ARRDC3: variants seen among roughly 807,000 people sequenced by gnomAD.
ARRDC3 encodes arrestin domain containing 3.
ARRDC3 carries 10 observed loss-of-function variants against 47.2 expected under a neutral mutation model. That is an observed-to-expected ratio of 0.21 (90% CI 0.13 to 0.36). The LOEUF is 0.36. Ranked by LOEUF, ARRDC3 falls within the 10% of genes least tolerant of loss-of-function variation. The pLI, the probability that ARRDC3 is intolerant of heterozygous loss-of-function variation, is 1.00. For missense variants in ARRDC3, 381 were observed against 503.6 expected (o/e 0.76, Z 2.33); for synonymous variants, 156 against 178.3 (o/e 0.87, Z 1.00).
At chr5:91,379,747 T>C (rs1237282179) in intron 1 of ARRDC3, 1 of 152,130 alleles carries the variant, frequency 6.6e-6, no homozygotes, top group Non-Finnish European at 1.5e-5. Context: ...ACCTTTACGA[T>C]TAGCCCCCAG....
intron 2 of ARRDC3, among the ~76,000 whole-genome samples, 192 bp downstream of exon 2, chr5:91,378,502 C>T (rs527730249): frequency 9.2e-5 from 14 of 152,010 alleles, no homozygotes; most frequent in Middle Eastern, 3.4e-3. Flanking sequence ...ATTGAGTATG[C>T]TTTCTATAAT....
chr5:91,376,144 T>C (rs1307350262), intron 3 of ARRDC3, among the ~76,000 whole-genome samples: 1 of 152,202 alleles, frequency 6.6e-6, no homozygotes, highest in African/African-American at 2.4e-5. Flanking sequence ...ACAAATGCAA[T>C]TAAAAATAGA....
rs1247236657 is a variant in ARRDC3 at position 91,375,196 on chromosome 5, T to G, written c.614-18A>C. 6.2e-7 allele frequency: 1 copy of G among 1,605,614 alleles called. No homozygotes were observed. The highest frequency in any genetic ancestry group is 1.7e-5 in the Admixed American group (1 of 59,602). On this transcript the variant is annotated intron_variant, in intron 4 of 7. Transcript: ENST00000265138. The stretch of plus-strand genomic sequence containing the variant: ...TGATTCACCTAGAGAGGGAAAAATA[T>G]ATACATATCTACTGTTAGAAAAAAA...
chr5:91,376,101 TAA>T (rs1799292971), intron 3 of ARRDC3, among the ~76,000 whole-genome samples: 1 of 152,188 alleles, frequency 6.6e-6, no homozygotes, highest in Non-Finnish European at 1.5e-5. Context: ...TTAAATCAAA[TAA>T]AGTTTTAAGT....
intron 1 of ARRDC3, chr5:91,380,997 C>T (rs1799444292): frequency 6.6e-6 from 1 of 152,270 alleles, no homozygotes; most frequent in South Asian, 2.1e-4. Flanking sequence ...AGCCTCGCCC[C>T]AGCCGCGGCG....
intron 1 of ARRDC3, chr5:91,380,279 C>T (rs1799419000): frequency 6.5e-6 from 1 of 152,922 alleles, no homozygotes; most frequent in Non-Finnish European, 1.5e-5. Context: ...TCGCGCGGCG[C>T]TCGCGCCCGT....
In ARRDC3 at chr5:91,373,703, G is replaced by C; in HGVS notation, c.1169C>G (p.Pro390Arg). ...FAYIQEFRFL[P>R]PPLYSEIDPN... ...ACTTACCTCTGAATAAAGAGGTGGA[G>C]GCAAGAATCGAAACTCCTGGATATA... The change falls in exon 7 of 8, where the codon CCT (proline) becomes CGT (arginine). Residue 390 changes from proline (P) to arginine (R), a missense_variant. Coordinates refer to ENST00000265138, the MANE Select transcript of ARRDC3 (RefSeq NM_020801.4). 1.2e-6 allele frequency: 2 copies of C among 1,613,830 alleles called. No homozygotes were observed. The highest frequency in any genetic ancestry group is 1.7e-6 in the Non-Finnish European group (2 of 1,179,806).
chr5:91,375,188 G>A lies in ARRDC3; in HGVS notation c.614-10C>T. 1.9e-6 allele frequency: 3 copies of A among 1,608,578 alleles called. No homozygotes were observed. The highest frequency in any genetic ancestry group is 2.5e-6 in the Non-Finnish European group (3 of 1,178,202). ...ATCTGAATTGATTCACCTAGAGAGG[G>A]AAAAATATATACATATCTACTGTTA... On this transcript the variant is annotated splice_polypyrimidine_tract_variant and intron_variant, in intron 4 of 7. Coordinates refer to ENST00000265138, the MANE Select transcript of ARRDC3 (RefSeq NM_020801.4).
chr5:91,374,392 C>T (rs899787323), intron 5 of ARRDC3, 116 bp from the exon 6 acceptor site: 9 of 885,950 alleles, frequency 1.0e-5, no homozygotes, highest in Admixed American at 8.5e-5. Flanking sequence ...TTTAAACTTA[C>T]ATACATGAAA....
chr5:91,375,688 A>G, intron 3 of ARRDC3, 75 bp from the exon 4 acceptor site: 1 of 987,702 alleles, frequency 1.0e-6, no homozygotes, highest in South Asian at 2.3e-5. Context: ...TTTAAAATAT[A>G]ACCCTAAATT....
chr5:91,376,185 C>CATT (rs1799298672), intron 3 of ARRDC3, among the ~76,000 whole-genome samples: 1 of 152,040 alleles, frequency 6.6e-6, no homozygotes, highest in Non-Finnish European at 1.5e-5. Context: ...TTTAATGAAA[C>CATT]TAATGATTCC....
At position 91,373,669 on chromosome 5, in the gene ARRDC3, G is replaced by C; in HGVS notation, c.1188+15C>G. The C allele has an allele frequency of 1.9e-6, 3 of 1,594,300 alleles. No individual in the cohort carries two copies. On this transcript the variant is annotated intron_variant, in intron 7 of 7. Transcript: ENST00000265138. ...GATAGCCAGTTCATTTCATACTTAA[G>C]GAGTAGGTACTTACCTCTGAATAAA...
chr5:91,371,573 G>A (rs1431120304), intron 7 of ARRDC3, 117 bp from the exon 8 acceptor site: 2 of 734,392 alleles, frequency 2.7e-6, no homozygotes, highest in African/African-American at 1.8e-5. Context: ...AGCAAACACA[G>A]CTTGTTAGCA....
chr5:91,376,708 T>C lies in ARRDC3; in HGVS notation c.423A>G (p.Glu141=). The C allele has an allele frequency of 6.2e-7, 1 of 1,614,024 alleles. No homozygotes were observed. The highest frequency in any genetic ancestry group is 8.5e-7 in the Non-Finnish European group (1 of 1,179,932). The change falls in exon 3 of 8, where the codon GAA becomes GAG. Residue 141 remains glutamate, a synonymous_variant. Transcript: ENST00000265138. The part of the protein sequence containing the change: ...HGSVRYWVKA[E]LHRPWLLPVK... ...CTGGTAGTAGCCAAGGCCTGTGCAA[T>C]TCGGCTTTCACCCAATAGCGCACAC... is the stretch of plus-strand genomic sequence containing the variant.
chr5:91,370,762 AT>A lies in ARRDC3; in HGVS notation c.*637del, dbSNP rs1799152418. ...GGCTGCAAAACATACAGCAAAAAGG[AT>A]TGGCTTGAAGGCATTTGATGTTTGT... On this transcript the variant is annotated 3_prime_UTR_variant, in exon 8 of 8. Coordinates refer to ENST00000265138, the MANE Select transcript of ARRDC3 (RefSeq NM_020801.4). 1 of 152,468 alleles carries A rather than the reference AT, an allele frequency of 6.6e-6. No homozygotes were observed. Among genetic ancestry groups the A allele is most frequent in the Admixed American group, 6.6e-5 (1 of 15,242 alleles). The allele number at this position is 152,468 out of a possible 1,614,324, so 9.4% of individuals were successfully genotyped here. A position where few individuals can be genotyped will look rare whatever the true frequency, so the allele number is the denominator to read the frequency against.
chr5:91,380,893 G>T (rs1473787174), intron 1 of ARRDC3: 1 of 152,330 alleles, frequency 6.6e-6, no homozygotes, highest in Admixed American at 6.5e-5. Flanking sequence ...TGTTGACACG[G>T]GCTGGGCGCC....
Position 91,380,993 on chromosome 5 carries a change from G to T in ARRDC3, c.280+1820C>A, listed in dbSNP as rs1050840538. The T allele has an allele frequency of 2.6e-5, 4 of 152,216 alleles. No individual in the cohort carries two copies. In the South Asian group the frequency reaches 8.3e-4, roughly 31 times the overall value. The allele number at this position is 152,216 out of a possible 1,614,324, so 9.4% of individuals were successfully genotyped here. On this transcript the variant is annotated intron_variant, in intron 1 of 7. Transcript: ENST00000265138. ...CGGCGCACGCCGGTTTCCTAGCCTC[G>T]CCCCAGCCGCGGCGCGAGCTCACTC...
chr5:91,374,086 T>A, intron 6 of ARRDC3, 28 bp downstream of exon 6: 2 of 1,596,152 alleles, frequency 1.3e-6, no homozygotes, highest in Non-Finnish European at 1.7e-6. Context: ...AGTAAGAGAT[T>A]AAGCTTAGAC....
intron 7 of ARRDC3, 146 bp downstream of exon 7, chr5:91,373,538 T>C: frequency 1.2e-6 from 1 of 819,804 alleles, no homozygotes; most frequent in Non-Finnish European, 1.9e-6. Flanking sequence ...TTGATGAACC[T>C]AATATTAACT....
Sources: allele counts gnomAD v4.1 joint callset (sites outside exome capture counted in the v4.1 genomes callset), GRCh38; gene constraint gnomAD v4.1.1; transcripts MANE v1.5; gene names NCBI Gene and HGNC (gene_info 2026-07-23, HGNC 2026-07-21).